Variants in TJP3 observed in about 807,000 individuals in gnomAD.
TJP3 encodes tight junction protein 3.
TJP3 carries 85 observed loss-of-function variants against 104.2 expected under a neutral mutation model. The ratio of observed to expected loss-of-function variants is 0.82; its 90% CI spans 0.68 to 0.98. The LOEUF is 0.98. TJP3 is among the 50% of genes least tolerant of loss of function. The pLI is 0.00. For synonymous variants in TJP3, 550 were observed against 550.6 expected (o/e 1.00, Z 0.02); for missense variants, 1,367 against 1,322.8 (o/e 1.03, Z -0.52).
In TJP3 at chr19:3,746,852, G is replaced by A. The variant is rs771935759; in HGVS notation, c.2298G>A (p.Arg766=). 6 of 1,603,466 alleles carry A rather than the reference G, an allele frequency of 3.7e-6. No individual in the cohort carries two copies. In the Admixed American group the frequency reaches 6.7e-5, roughly 18 times the overall value. Reference sequence around the variant, plus strand: ...CCATCATTCGAGAGCAGCAGACGCGGCCCATCTGGACGGCGGAAGATCAGG... The same window carrying A: ...CCATCATTCGAGAGCAGCAGACGCGACCCATCTGGACGGCGGAAGATCAGG... ...LKAIIREQQT[R]PIWTAEDQLD... Residue 766 remains arginine (R), a synonymous_variant, in exon 18 of 21, where the codon CGG becomes CGA. Transcript: ENST00000541714. The surrounding 1 kb of genome is among the most constrained non-coding windows in gnomAD (Gnocchi z 4.1).
At chr19:3,716,450 G>T (rs887053010) in intron 1 of TJP3, among the ~76,000 whole-genome samples, 13 of 148,110 alleles carry the variant, frequency 8.8e-5, no homozygotes, top group African/African-American at 2.9e-4. Flanking sequence ...GGAGTTCGAG[G>T]TGCAGGGGCA....
In TJP3 at chr19:3,747,946, C is replaced by T. The variant is rs528051923; in HGVS notation, c.2475C>T (p.Gly825=). Residue 825 remains glycine, a synonymous_variant, in exon 19 of 21, where the codon GGC becomes GGT. Coordinates refer to ENST00000541714, the MANE Select transcript of TJP3 (RefSeq NM_001267560.2). Reference sequence around the variant, plus strand: ...CGGATGGCGAGGGCTACACAGACGGCGAGGGGGGGCCCTACACGGATGTGG... The same window carrying T: ...CGGATGGCGAGGGCTACACAGACGGTGAGGGGGGGCCCTACACGGATGTGG... The part of the protein sequence containing the change: ...AYTDGEGYTD[G]EGGPYTDVDD... The T allele has an allele frequency of 7.6e-5, 122 of 1,613,058 alleles. No individual in the cohort carries two copies. The highest frequency in any genetic ancestry group is 9.5e-5 in the Non-Finnish European group (112 of 1,179,862).
intron 1 of TJP3, among the ~76,000 whole-genome samples, chr19:3,708,933 CCGAGGCTAGGAGG>C (rs1205113361): frequency 2.0e-4 from 30 of 151,974 alleles, no homozygotes; most frequent in Admixed American, 5.9e-4. Flanking sequence ...CTCCTGCAGC[CCGAGGCTAGGAGG>C]TGACAGGTGG....
chr19:3,726,605 T>C (rs932536589), intron 1 of TJP3, among the ~76,000 whole-genome samples: 2 of 151,504 alleles, frequency 1.3e-5, no homozygotes, highest in African/African-American at 4.8e-5. Flanking sequence ...TTTTTTTTTT[T>C]CTAAGTGGGA....
intron 1 of TJP3, among the ~76,000 whole-genome samples, chr19:3,715,093 GTT>G (rs34360179): frequency 1.4e-5 from 2 of 142,982 alleles, no homozygotes; most frequent in East Asian, 2.0e-4. Context: ...TGGTTGGTTG[GTT>G]TTTTTTTTTT....
chr19:3,736,066 C>CT (rs1465039408), intron 10 of TJP3, 99 bp from the exon 11 acceptor site: 9 of 1,564,160 alleles, frequency 5.8e-6, no homozygotes, highest in Non-Finnish European at 7.8e-6. Flanking sequence ...TTTGGGGAAA[C>CT]TGAGGCCTGG....
At chr19:3,738,035 G>A (rs958918980) in intron 11 of TJP3, among the ~76,000 whole-genome samples, 2 of 152,040 alleles carry the variant, frequency 1.3e-5, no homozygotes, top group African/African-American at 4.8e-5. Flanking sequence ...GAGAGCAGGT[G>A]GCTGTGTCTG....
At chr19:3,720,843 C>T (rs1470856818) in intron 1 of TJP3, among the ~76,000 whole-genome samples, 2 of 151,560 alleles carry the variant, frequency 1.3e-5, no homozygotes, top group Non-Finnish European at 2.9e-5. Flanking sequence ...GCCTTGCACT[C>T]TGCCCCTTTC....
intron 19 of TJP3, among the ~76,000 whole-genome samples, 165 bp from the exon 20 acceptor site, chr19:3,749,973 A>G (rs7257905): frequency 0.49 from 73,923 of 151,884 alleles, 18,924 homozygotes; most frequent in East Asian, 0.66. Context: ...TCCCAGCCTC[A>G]GTTTTCTCAT....
At chr19:3,744,891 G>A (rs576519470) in intron 15 of TJP3, among the ~76,000 whole-genome samples, 57 of 152,138 alleles carry the variant, frequency 3.7e-4, no homozygotes, top group African/African-American at 1.3e-3. Flanking sequence ...TCACGCCACT[G>A]CGCTCCAGCC....
intron 11 of TJP3, among the ~76,000 whole-genome samples, chr19:3,738,170 A>G (rs536750756): frequency 6.6e-6 from 1 of 152,296 alleles, no homozygotes; most frequent in South Asian, 2.1e-4. Context: ...TGTCCCTGTC[A>G]CGACCCTGTG....
intron 15 of TJP3, 86 bp downstream of exon 15, chr19:3,744,120 AATG>A: frequency 8.0e-7 from 1 of 1,249,368 alleles, no homozygotes; most frequent in South Asian, 1.2e-5. Flanking sequence ...GAGTTAGAAT[AATG>A]ATGGCAAACA....
At chr19:3,743,263 C>CA (rs57352964) in intron 14 of TJP3, among the ~76,000 whole-genome samples, 7,189 of 146,940 alleles carry the variant, frequency 0.049, 222 homozygotes, top group Middle Eastern at 0.099. Context: ...GACTCCATCT[C>CA]AAAAAAAAAA....
At chr19:3,724,322 A>G (rs1229695100) in intron 1 of TJP3, among the ~76,000 whole-genome samples, 3 of 151,776 alleles carry the variant, frequency 2.0e-5, no homozygotes, top group Admixed American at 1.3e-4. Context: ...CAGCCTCCTG[A>G]GTAGCTGGGA....
intron 1 of TJP3, among the ~76,000 whole-genome samples, chr19:3,720,759 G>T (rs938199972): frequency 6.6e-6 from 1 of 151,976 alleles, no homozygotes; most frequent in Non-Finnish European, 1.5e-5. Flanking sequence ...CCCCTGAGCG[G>T]GAGGCTGGGC....
rs572437038 is a variant in TJP3, at chr19:3,720,905, T to TC, written c.-9-7519_-9-7518insC. 6.8e-3 allele frequency among the ~76,000 whole-genome samples: 967 copies of TC among 142,508 alleles called. 11 individuals are homozygous for TC. The highest frequency in any genetic ancestry group is 0.024 in the African/African-American group (929 of 38,618). 93.5% of individuals were successfully genotyped at this position (142,508 alleles called of 152,430 possible). On this transcript the variant is annotated intron_variant, in intron 1 of 20. Coordinates refer to ENST00000541714, the MANE Select transcript of TJP3 (RefSeq NM_001267560.2). ...CTTCTTTCCTTCCTTCCTTTTCTTT[T>TC]TTTTTTTTTTTTTTTGAGACAGGGT...
At chr19:3,715,115 A>C (rs570878408) in intron 1 of TJP3, among the ~76,000 whole-genome samples, 1 of 136,514 alleles carries the variant, frequency 7.3e-6, no homozygotes, top group Non-Finnish European at 1.5e-5. Flanking sequence ...TTTGAGATGG[A>C]GTCTCGCTCT....
intron 1 of TJP3, among the ~76,000 whole-genome samples, chr19:3,719,732 C>CAAAAAAAA (rs34047272): frequency 1.2e-5 from 1 of 81,734 alleles, no homozygotes; most frequent in African/African-American, 4.4e-5. Flanking sequence ...GACTCCGTCT[C>CAAAAAAAA]AAAAAAAAAA....
At chr19:3,717,496 C>A (rs544778396) in intron 1 of TJP3, among the ~76,000 whole-genome samples, 1 of 151,012 alleles carries the variant, frequency 6.6e-6, no homozygotes, top group East Asian at 2.0e-4. Flanking sequence ...AGTGCAGTGG[C>A]GTGATCTCAG....
Sources: allele counts gnomAD v4.1 joint callset (sites outside exome capture counted in the v4.1 genomes callset), GRCh38; gene constraint gnomAD v4.1.1; non-coding constraint Gnocchi (gnomAD v3.1); transcripts MANE v1.5; gene names NCBI Gene and HGNC (gene_info 2026-07-23, HGNC 2026-07-21).